The following ABL2 variants were observed in gnomAD, a reference collection of about 807,000 sequenced individuals.
The protein encoded by ABL2 is tyrosine-protein kinase ABL2.
In ABL2, 49 loss-of-function variants were observed where a neutral mutation model predicts 107.7. The observed-to-expected ratio is 0.45, with a 90% CI of 0.36 to 0.58. ABL2 has a LOEUF of 0.58. Ranked by LOEUF, ABL2 falls within the 20% of genes least tolerant of loss-of-function variation. The probability of loss-of-function intolerance (pLI) is 0.00; values close to 1 mark genes in which losing one functional copy is unlikely to be tolerated. For missense variants in ABL2, 1,245 were observed against 1,457.0 expected (o/e 0.85, Z 2.37); for synonymous variants, 549 against 548.6 (o/e 1.00, Z -0.01).
intron 1 of ABL2, among the ~76,000 whole-genome samples, chr1:179,216,155 G>A (rs544844975): frequency 1.3e-5 from 2 of 152,254 alleles, no homozygotes; most frequent in South Asian, 4.2e-4. Context: ...TAGAGAAGCC[G>A]GCAGTTCTAC....
intron 1 of ABL2, among the ~76,000 whole-genome samples, chr1:179,173,766 T>C (rs1437259746): frequency 6.6e-6 from 1 of 152,172 alleles, no homozygotes; most frequent in African/African-American, 2.4e-5. Context: ...AACGGATCAA[T>C]TCCATTGGAC....
At chr1:179,204,760 A>AAC (rs1166389868) in intron 1 of ABL2, among the ~76,000 whole-genome samples, 2 of 151,990 alleles carry the variant, frequency 1.3e-5, no homozygotes, top group Non-Finnish European at 2.9e-5. Flanking sequence ...AAGCAAAACA[A>AAC]ACACACACAC....
chr1:179,160,601 T>A (rs1659001042), intron 1 of ABL2, among the ~76,000 whole-genome samples: 1 of 152,186 alleles, frequency 6.6e-6, no homozygotes, highest in African/African-American at 2.4e-5. Flanking sequence ...TCATCTTCCT[T>A]ATATATTTTA....
intron 1 of ABL2, among the ~76,000 whole-genome samples, chr1:179,181,946 A>ATTTTTT (rs34828452): frequency 2.5e-4 from 23 of 91,198 alleles, no homozygotes; most frequent in Admixed American, 3.0e-4. Context: ...AGGCCCGGCT[A>ATTTTTT]TTTTTTTTTT....
chr1:179,206,954 C>A (rs924742399), intron 1 of ABL2, among the ~76,000 whole-genome samples: 6 of 151,978 alleles, frequency 3.9e-5, no homozygotes, highest in African/African-American at 1.4e-4. Context: ...ATGTACAGAG[C>A]GAAAAAGAGA....
chr1:179,129,597 G>A (rs898179087), intron 3 of ABL2, among the ~76,000 whole-genome samples: 6 of 151,166 alleles, frequency 4.0e-5, no homozygotes, highest in Non-Finnish European at 5.9e-5. Context: ...CAGCAGAATC[G>A]CTTGAACCCA....
intron 1 of ABL2, among the ~76,000 whole-genome samples, chr1:179,139,256 C>T (rs1487508587): frequency 6.6e-6 from 1 of 152,138 alleles, no homozygotes; most frequent in Admixed American, 6.5e-5. Context: ...ACTCCTGAAG[C>T]CAGCAAGACC....
At chr1:179,183,386 G>C (rs1194389996) in intron 1 of ABL2, among the ~76,000 whole-genome samples, 1 of 152,010 alleles carries the variant, frequency 6.6e-6, no homozygotes, top group African/African-American at 2.4e-5. Context: ...AAAAACATTA[G>C]AAAGTTTAGA....
At chr1:179,222,869 G>C (rs1432241619) in intron 1 of ABL2, among the ~76,000 whole-genome samples, 1 of 151,726 alleles carries the variant, frequency 6.6e-6, no homozygotes, top group Non-Finnish European at 1.5e-5. Flanking sequence ...CTAACACTTT[G>C]AGAGGCTGAG....
At chr1:179,110,544 G>T in intron 10 of ABL2, 89 bp from the exon 11 acceptor site, 1 of 1,528,352 alleles carries the variant, frequency 6.5e-7, no homozygotes, top group Non-Finnish European at 8.7e-7. Context: ...AACTGAGAAA[G>T]AACTGGCAAG....
intron 1 of ABL2, among the ~76,000 whole-genome samples, chr1:179,182,229 C>A (rs1660420539): frequency 1.3e-5 from 2 of 152,006 alleles, no homozygotes; most frequent in Non-Finnish European, 2.9e-5. Context: ...CTTTGCAGAA[C>A]CACAAGCTGG....
intron 1 of ABL2, among the ~76,000 whole-genome samples, chr1:179,210,009 G>C (rs149503225): frequency 2.0e-5 from 3 of 152,172 alleles, no homozygotes; most frequent in South Asian, 2.1e-4. Context: ...CTAGTAGCTA[G>C]GACTACAGGC....
At chr1:179,149,034 T>A (rs1557956610) in intron 1 of ABL2, among the ~76,000 whole-genome samples, 1 of 151,874 alleles carries the variant, frequency 6.6e-6, no homozygotes, top group African/African-American at 2.4e-5. Context: ...TGGGCAAGAA[T>A]GTCAAAAGTT....
Position 179,108,031 on chromosome 1 carries a change from A to AT in ABL2, c.3235dup (p.Ile1079AsnfsTer16), listed in dbSNP as rs765739539. On this transcript the variant is annotated frameshift_variant, in exon 12 of 12. Transcript: ENST00000502732. LOFTEE classifies it high-confidence loss of function. ...CTCTTTGCTGATTTTGTCTGCTGAG[A>AT]TTTTCTCAGCGGCCTGTTTGGTTTT... 1 of 1,614,028 alleles carries AT rather than the reference A, an allele frequency of 6.2e-7. No homozygotes were observed. Among genetic ancestry groups the AT allele is most frequent in the South Asian group, 1.1e-5 (1 of 91,064 alleles).
chr1:179,164,237 GCA>G (rs1479801956), intron 1 of ABL2, among the ~76,000 whole-genome samples: 2 of 152,106 alleles, frequency 1.3e-5, no homozygotes, highest in Non-Finnish European at 2.9e-5. Context: ...ATGTGTTGAA[GCA>G]CATTTTCATG....
chr1:179,123,544 T>C (rs1459923667), intron 4 of ABL2, among the ~76,000 whole-genome samples: 3 of 152,174 alleles, frequency 2.0e-5, no homozygotes, highest in African/African-American at 7.2e-5. Context: ...ACAGAATTGC[T>C]TACAAAATAG....
At chr1:179,203,739 A>G (rs1029878065) in intron 1 of ABL2, among the ~76,000 whole-genome samples, 3 of 152,154 alleles carry the variant, frequency 2.0e-5, no homozygotes, top group Admixed American at 6.5e-5. Context: ...GGATAAGAGA[A>G]TTCTTTTGTC....
intron 2 of ABL2, among the ~76,000 whole-genome samples, chr1:179,132,946 C>T (rs1222063385): frequency 1.3e-5 from 2 of 151,888 alleles, no homozygotes; most frequent in South Asian, 2.1e-4. Context: ...GCAACCTTCA[C>T]GTCCTAGGTT....
intron 1 of ABL2, among the ~76,000 whole-genome samples, chr1:179,152,703 G>C (rs1658433640): frequency 6.6e-6 from 1 of 152,196 alleles, no homozygotes; most frequent in South Asian, 2.1e-4. Flanking sequence ...AGTAGTAGCA[G>C]CACAATGTGC....
Sources: allele counts gnomAD v4.1 joint callset (sites outside exome capture counted in the v4.1 genomes callset), GRCh38; gene constraint gnomAD v4.1.1; transcripts MANE v1.5; gene names NCBI Gene and HGNC (gene_info 2026-07-23, HGNC 2026-07-21).